The following STK39 variants were observed in gnomAD, a reference collection of about 807,000 sequenced individuals.
The protein encoded by STK39 is STE20/SPS1-related proline-alanine-rich protein kinase.
STK39 carries 20 observed loss-of-function variants against 77.8 expected under a neutral mutation model. That is an observed-to-expected ratio of 0.26 (90% CI 0.18 to 0.37). The LOEUF is 0.37. Ranked by LOEUF, STK39 falls within the 10% of genes least tolerant of loss-of-function variation. The pLI is 1.00. For missense variants in STK39, 479 were observed against 656.5 expected (o/e 0.73, Z 2.95); for synonymous variants, 246 against 234.1 (o/e 1.05, Z -0.47).
chr2:168,105,748 A>C (rs1361869837), intron 10 of STK39, among the ~76,000 whole-genome samples: 1 of 152,250 alleles, frequency 6.6e-6, no homozygotes, highest in African/African-American at 2.4e-5. Context: ...AATAACCAAA[A>C]GGGCAAGACC....
At chr2:167,977,458 A>G (rs1331434266) in intron 16 of STK39, among the ~76,000 whole-genome samples, 5 of 152,190 alleles carry the variant, frequency 3.3e-5, no homozygotes, top group African/African-American at 1.2e-4. Context: ...GAGGATGAAG[A>G]AAGTAGAAAT....
intron 4 of STK39, among the ~76,000 whole-genome samples, chr2:168,162,168 C>G (rs1377234471): frequency 1.3e-5 from 2 of 151,864 alleles, no homozygotes; most frequent in African/African-American, 2.4e-5. Context: ...TGCCTGTAAT[C>G]CCAGCTACTT....
chr2:168,057,891 T>G (rs910416972), intron 14 of STK39, among the ~76,000 whole-genome samples: 1 of 152,110 alleles, frequency 6.6e-6, no homozygotes, highest in Non-Finnish European at 1.5e-5. Flanking sequence ...CTTTCTCCTA[T>G]CTAACAGATG....
intron 1 of STK39, among the ~76,000 whole-genome samples, chr2:168,195,016 A>G (rs1689433806): frequency 6.6e-6 from 1 of 151,966 alleles, no homozygotes; most frequent in Admixed American, 6.6e-5. Context: ...ACACATTTAC[A>G]TTTTTTTTAA....
intron 14 of STK39, among the ~76,000 whole-genome samples, chr2:168,029,600 G>A (rs970983930): frequency 4.6e-5 from 7 of 152,142 alleles, no homozygotes; most frequent in African/African-American, 1.7e-4. Flanking sequence ...CCTCAACAGA[G>A]GGAGCTCAAA....
chr2:168,030,440 CT>C (rs768917352), intron 14 of STK39, among the ~76,000 whole-genome samples: 32 of 152,258 alleles, frequency 2.1e-4, no homozygotes, highest in South Asian at 8.3e-4. Context: ...TAGAAACATA[CT>C]TTAATTTTCC....
At chr2:167,986,729 G>T (rs1683569354) in intron 16 of STK39, among the ~76,000 whole-genome samples, 1 of 152,294 alleles carries the variant, frequency 6.6e-6, no homozygotes, top group South Asian at 2.1e-4. Flanking sequence ...AAGGAACACC[G>T]TGAGGTCATT....
At chr2:168,149,230 C>T (rs562053783) in intron 5 of STK39, among the ~76,000 whole-genome samples, 15 of 152,182 alleles carry the variant, frequency 9.9e-5, no homozygotes, top group Non-Finnish European at 1.9e-4. Flanking sequence ...AAGTTTTTCT[C>T]CTGAATAAAA....
intron 2 of STK39, among the ~76,000 whole-genome samples, chr2:168,177,927 G>T (rs1324017374): frequency 6.6e-6 from 1 of 152,070 alleles, no homozygotes; most frequent in Non-Finnish European, 1.5e-5. Flanking sequence ...AAGACAAAAG[G>T]TCCAGAAAAA....
chr2:168,210,382 T>G (rs1377953172), intron 1 of STK39, among the ~76,000 whole-genome samples: 1 of 152,238 alleles, frequency 6.6e-6, no homozygotes, highest in Non-Finnish European at 1.5e-5. Context: ...AGAATTGCTA[T>G]GAAAGAAAAT....
rs184977956 is a variant in STK39 at position 167,993,068 on chromosome 2, C to T, written c.1498+19566G>A. On this transcript the variant is annotated intron_variant, in intron 16 of 17. Coordinates refer to ENST00000355999, the MANE Select transcript of STK39 (RefSeq NM_013233.3). ...AATAGTACATTTGAAAGATATGCTA[C>T]ACTGCAGTGATGTAATATAAAAGCA... Among the ~76,000 whole-genome samples, 863 of 152,304 alleles carry T rather than the reference C, an allele frequency of 5.7e-3. 5 individuals carry two copies. Among genetic ancestry groups the T allele is most frequent in the African/African-American group, 0.019 (776 of 41,560 alleles).
intron 10 of STK39, among the ~76,000 whole-genome samples, chr2:168,109,245 T>C (rs1687059591): frequency 6.6e-6 from 1 of 152,222 alleles, no homozygotes; most frequent in Non-Finnish European, 1.5e-5. Flanking sequence ...ATGAATTTTG[T>C]GTTTATCATT....
intron 2 of STK39, among the ~76,000 whole-genome samples, chr2:168,179,032 T>C (rs757008688): frequency 2.6e-5 from 4 of 151,914 alleles, no homozygotes; most frequent in Non-Finnish European, 4.4e-5. Flanking sequence ...GAGAAACATG[T>C]CCCAGTGGCC....
chr2:168,082,123 A>T (rs577370431), intron 10 of STK39, among the ~76,000 whole-genome samples: 1 of 152,296 alleles, frequency 6.6e-6, no homozygotes, highest in East Asian at 1.9e-4. Flanking sequence ...TCTTTTTACA[A>T]GACCAATGCC....
At chr2:168,129,850 G>A in intron 8 of STK39, 92 bp from the exon 9 acceptor site, 1 of 1,441,700 alleles carries the variant, frequency 6.9e-7, no homozygotes, top group Non-Finnish European at 9.7e-7. Flanking sequence ...GAGTATTTCT[G>A]GAAGACCAAT....
At chr2:168,216,822 C>T (rs1690036066) in intron 1 of STK39, among the ~76,000 whole-genome samples, 1 of 152,210 alleles carries the variant, frequency 6.6e-6, no homozygotes. Context: ...AGGTCTTGGT[C>T]ACCGGCTCTG....
chr2:168,117,805 C>T (rs1051648771), intron 10 of STK39, among the ~76,000 whole-genome samples: 1 of 152,090 alleles, frequency 6.6e-6, no homozygotes, highest in African/African-American at 2.4e-5. Flanking sequence ...CCATGGGACC[C>T]TGGAGTGATC....
intron 14 of STK39, among the ~76,000 whole-genome samples, chr2:168,033,407 G>C (rs1048727601): frequency 1.3e-5 from 2 of 152,188 alleles, no homozygotes; most frequent in Admixed American, 6.5e-5. Flanking sequence ...TATTCCTCCT[G>C]AGCAGTGAGC....
intron 16 of STK39, among the ~76,000 whole-genome samples, chr2:167,996,024 A>G (rs1683829721): frequency 6.6e-6 from 1 of 152,068 alleles, no homozygotes. Context: ...TTCATCTTGC[A>G]CTGGGCCCTG....
Sources: gnomAD v4.1 joint callset for allele counts (sites outside exome capture counted in the v4.1 genomes callset) on GRCh38, gnomAD v4.1.1 for gene constraint, MANE v1.5 for transcripts, NCBI Gene and HGNC (gene_info 2026-07-23, HGNC 2026-07-21) for gene names.